Variants in USP19 observed in about 807,000 individuals in gnomAD.
USP19 encodes the protein ubiquitin carboxyl-terminal hydrolase 19.
Under a neutral mutation model 144.8 loss-of-function variants are expected in USP19, and 40 were observed. That is an observed-to-expected ratio of 0.28 (90% CI 0.21 to 0.36). USP19 has a LOEUF of 0.36. USP19 is among the 10% of genes least tolerant of loss of function. The pLI, the probability that USP19 is intolerant of heterozygous loss-of-function variation, is 1.00. For synonymous variants in USP19, 701 were observed against 709.3 expected, an observed-to-expected ratio of 0.99 and a Z score of 0.19; for missense variants, 1,518 against 1,822.5, an observed-to-expected ratio of 0.83 and a Z score of 3.04.
rs2042684249 is a variant in USP19, at chr3:49,108,684, T to G, written c.4039-156A>C. 1.5e-6 allele frequency: 2 copies of G among 1,306,622 alleles called. No homozygotes were observed. Among genetic ancestry groups the G allele is most frequent in the Non-Finnish European group, 1.9e-6 (2 of 1,028,972 alleles). The allele number at this position is 1,306,622 out of a possible 1,614,324, so 80.9% of individuals were successfully genotyped here. ...ACAGAGAGACGAGATTGGGCCTGAA[T>G]AGTCTGGTTTTATTAACACTTTTAA... On this transcript the variant is annotated intron_variant, in intron 26 of 26. Coordinates refer to ENST00000417901, the MANE Select transcript of USP19 (RefSeq NM_001199161.2). The surrounding 1 kb of genome is among the most constrained non-coding windows in gnomAD (Gnocchi z 4.8).
At chr3:49,118,696 A>AAT (rs1575501950) in intron 2 of USP19, among the ~76,000 whole-genome samples, 1 of 152,138 alleles carries the variant, frequency 6.6e-6, no homozygotes, top group East Asian at 1.9e-4. Flanking sequence ...GCAGTGAGCC[A>AAT]ATATTGCACC....
In USP19 at chr3:49,108,886, C is replaced by T; in HGVS notation, c.4039-358G>A. 6.6e-7 allele frequency: 1 copy of T among 1,525,088 alleles called. No individual in the cohort carries two copies. The highest frequency in any genetic ancestry group is 8.8e-7 in the Non-Finnish European group (1 of 1,136,800). 94.5% of individuals were successfully genotyped at this position (1,525,088 alleles called of 1,614,324 possible). ...CTGAGGCCCAAAGCCCAGAGGTGTTCCCCACAACAAAGGCAGGCATGGCCT... is the reference window on the plus strand; with the variant it reads ...CTGAGGCCCAAAGCCCAGAGGTGTTTCCCACAACAAAGGCAGGCATGGCCT... On this transcript the variant is annotated intron_variant, in intron 26 of 26. Coordinates refer to ENST00000417901, the MANE Select transcript of USP19 (RefSeq NM_001199161.2). This position sits in a 1 kb window ranked among gnomAD's most constrained non-coding sequence, Gnocchi z 4.8.
Position 49,115,627 on chromosome 3 carries a change from A to C in USP19, c.1705T>G (p.Cys569Gly). ...CTGTGGGGCATGGGAGGCACCATGC[A>C]TGTAGGCTTGGGCTGCAGGAGCAAA... Reference protein sequence around the residue: ...ETHLASPKPTCMVPPMPHSPV... With the variant: ...ETHLASPKPTGMVPPMPHSPV... Residue 569 changes from cysteine (C) to glycine (G), a missense_variant, in exon 12 of 27, where the codon TGC (cysteine) becomes GGC (glycine). Cys to Gly is a radical substitution (Grantham distance 159). Transcript: ENST00000417901. The surrounding 1 kb of genome is among the most constrained non-coding windows in gnomAD (Gnocchi z 6.6). 1 of 1,608,962 alleles carries C rather than the reference A, an allele frequency of 6.2e-7. No individual in the cohort carries two copies. Among genetic ancestry groups the C allele is most frequent in the Non-Finnish European group, 8.5e-7 (1 of 1,177,444 alleles).
At position 49,117,648 on chromosome 3, in the gene USP19, T is replaced by C. The variant is rs201465057; in HGVS notation, c.472+9A>G. On this transcript the variant is annotated intron_variant, in intron 4 of 26. Coordinates refer to ENST00000417901, the MANE Select transcript of USP19 (RefSeq NM_001199161.2). This position sits in a 1 kb window ranked among gnomAD's most constrained non-coding sequence, Gnocchi z 4.4. ...AACATACTACTGTGCTCAGGGCAGA[T>C]GGACACACCTGCAAACCGCACCACA... The C allele has an allele frequency of 5.3e-4, 859 of 1,614,172 alleles. 1 individual carries two copies. The African/African-American group carries it at 9.3e-3, about 17-fold the overall frequency.
intron 26 of USP19, 185 bp downstream of exon 26, chr3:49,109,999 G>A (rs952014259): frequency 3.2e-6 from 2 of 616,774 alleles, no homozygotes; most frequent in Non-Finnish European, 5.0e-6. Context: ...TTGTATGTTT[G>A]TTAGTGTCCC....
Position 49,110,698 on chromosome 3 carries a change from G to C in USP19, c.3698+13C>G. The C allele has an allele frequency of 6.2e-7, 1 of 1,613,440 alleles. No homozygotes were observed. The highest frequency in any genetic ancestry group is 8.5e-7 in the Non-Finnish European group (1 of 1,179,690). On this transcript the variant is annotated intron_variant, in intron 24 of 26. Coordinates refer to ENST00000417901, the MANE Select transcript of USP19 (RefSeq NM_001199161.2). This position sits in a 1 kb window ranked among gnomAD's most constrained non-coding sequence, Gnocchi z 6.1. The stretch of plus-strand genomic sequence containing the variant: ...TCACACCCCACCCACAGTTACCAAG[G>C]TCCACTGCTTACCTAACAGGGAACT...
In USP19 at chr3:49,117,735, G is replaced by A. The variant is rs200518963; in HGVS notation, c.394C>T (p.Arg132Cys). 19 of 1,614,176 alleles carry A rather than the reference G, an allele frequency of 1.2e-5. No homozygotes were observed. The highest frequency in any genetic ancestry group is 8.8e-5 in the South Asian group (8 of 91,084). Reference sequence around the variant, plus strand: ...AGCTGCAGGGGACCTACTCCCACACGAAGCTTGACAATCACCTCTTCTGCA... The same window carrying A: ...AGCTGCAGGGGACCTACTCCCACACAAAGCTTGACAATCACCTCTTCTGCA... ...QSAEEVIVKL[R>C]VGVGPLQLED... is the part of the protein sequence containing the mutation. Residue 132 changes from arginine to cysteine, a missense_variant, in exon 4 of 27, where the codon CGT (arginine) becomes TGT (cysteine). This residue lies in a region of USP19 where 707 missense variants were observed against 728.9 expected (regional missense o/e 0.97). Transcript: ENST00000417901. The surrounding 1 kb of genome is among the most constrained non-coding windows in gnomAD (Gnocchi z 4.4).
Position 49,119,173 on chromosome 3 carries a change from T to A in USP19, c.-28A>T. On this transcript the variant is annotated 5_prime_UTR_variant, in exon 2 of 27. Coordinates refer to ENST00000417901, the MANE Select transcript of USP19 (RefSeq NM_001199161.2). ...TGAGCCGCTTGGTCGACAGCCAGAG[T>A]GCCCCGGGGTCGGCAACAGCGTCTG... 1 of 1,602,308 alleles carries A rather than the reference T, an allele frequency of 6.2e-7. No individual in the cohort carries two copies.
Position 49,108,546 on chromosome 3 carries a change from G to C in USP19, c.4039-18C>G, listed in dbSNP as rs759557608. On this transcript the variant is annotated intron_variant, in intron 26 of 26. Transcript: ENST00000417901. The surrounding 1 kb of genome is among the most constrained non-coding windows in gnomAD (Gnocchi z 4.8). ...CCTAGTCCCTGCAACAGAATACGAG[G>C]ACAGGGGTTGGGGGCTGCCCAGCAT... The C allele has an allele frequency of 8.1e-7, 1 of 1,236,924 alleles. No homozygotes were observed. The highest frequency in any genetic ancestry group is 1.0e-6 in the Non-Finnish European group (1 of 965,584). The allele number at this position is 1,236,924 out of a possible 1,614,324, so 76.6% of individuals were successfully genotyped here. A position where few individuals can be genotyped will look rare whatever the true frequency, so the allele number is the denominator to read the frequency against.
rs2044036501 is a variant in USP19, at chr3:49,115,989, CA to C, written c.1472-46del. On this transcript the variant is annotated intron_variant, in intron 10 of 26. Coordinates refer to ENST00000417901, the MANE Select transcript of USP19 (RefSeq NM_001199161.2). The surrounding 1 kb of genome is among the most constrained non-coding windows in gnomAD (Gnocchi z 6.6). ...AGGGCTGGTGGTTAGCAGCATGTGA[CA>C]GGGGTTTGGGTCCTGGTCACGTGGA... 1 of 1,567,642 alleles carries C rather than the reference CA, an allele frequency of 6.4e-7. No homozygotes were observed. Among genetic ancestry groups the C allele is most frequent in the Non-Finnish European group, 8.6e-7 (1 of 1,159,608 alleles).
rs2043282033 is a variant in USP19, at chr3:49,112,231, G to A, written c.2765+53C>T. ...CCTTGGTGTGAAGGGAAGGAGCAGG[G>A]TGGCACATGGAAGGTGGAAAGAAAG... On this transcript the variant is annotated intron_variant, in intron 19 of 26. Transcript: ENST00000417901. The surrounding 1 kb of genome is among the most constrained non-coding windows in gnomAD (Gnocchi z 4.9). The A allele has an allele frequency of 1.9e-6, 3 of 1,567,020 alleles. No homozygotes were observed. The East Asian group carries it at 7.1e-5, about 37-fold the overall frequency.
intron 1 of USP19, among the ~76,000 whole-genome samples, 165 bp from the exon 2 acceptor site, chr3:49,119,446 C>T (rs1413717891): frequency 6.6e-6 from 1 of 152,212 alleles, no homozygotes; most frequent in Non-Finnish European, 1.5e-5. Flanking sequence ...ATAAATAATG[C>T]AAGTAGCAGC....
chr3:49,108,394 C>T lies in USP19; in HGVS notation c.*18G>A, dbSNP rs999242210. 2.7e-6 allele frequency: 3 copies of T among 1,121,596 alleles called. No homozygotes were observed. The highest frequency in any genetic ancestry group is 2.5e-6 in the Non-Finnish European group (2 of 814,422). 69.5% of individuals were successfully genotyped at this position (1,121,596 alleles called of 1,614,324 possible). ...GTGGGTGTCCCAAACCCAGTCCCCC[C>T]CATCAGCCAGGGACCTGCTAATCCA... On this transcript the variant is annotated 3_prime_UTR_variant, in exon 27 of 27. Coordinates refer to ENST00000417901, the MANE Select transcript of USP19 (RefSeq NM_001199161.2). This position sits in a 1 kb window ranked among gnomAD's most constrained non-coding sequence, Gnocchi z 4.8.
chr3:49,108,909 C>T lies in USP19; in HGVS notation c.4039-381G>A. The T allele has an allele frequency of 6.4e-7, 1 of 1,565,044 alleles. No homozygotes were observed. Among genetic ancestry groups the T allele is most frequent in the Admixed American group, 1.8e-5 (1 of 54,524 alleles). On this transcript the variant is annotated intron_variant, in intron 26 of 26. Transcript: ENST00000417901. This position sits in a 1 kb window ranked among gnomAD's most constrained non-coding sequence, Gnocchi z 4.8. Reference sequence around the variant, plus strand: ...TTCCCCACAACAAAGGCAGGCATGGCCTGGGGCAGGCAGGTAGGCCAGCTC... The same window carrying T: ...TTCCCCACAACAAAGGCAGGCATGGTCTGGGGCAGGCAGGTAGGCCAGCTC...
At position 49,114,213 on chromosome 3, in the gene USP19, G is replaced by T; in HGVS notation, c.2364C>A (p.Val788=). The change falls in exon 16 of 27, where the codon GTC becomes GTA. Residue 788 remains valine (V), a synonymous_variant. Coordinates refer to ENST00000417901, the MANE Select transcript of USP19 (RefSeq NM_001199161.2). This position sits in a 1 kb window ranked among gnomAD's most constrained non-coding sequence, Gnocchi z 4.5. ...TGTGGGGCTCTCGGGCAAAATAAAA[G>T]ACAGGGAGAACCTTTTGCTTTTGTG... The part of the protein sequence containing the change: ...PLPQKQKVLP[V]FYFAREPHSK... The T allele has an allele frequency of 1.9e-6, 3 of 1,614,226 alleles. No individual in the cohort carries two copies. The highest frequency in any genetic ancestry group is 2.5e-6 in the Non-Finnish European group (3 of 1,180,034).
Position 49,119,722 on chromosome 3 carries a change from A to G in USP19, c.-136-441T>C, listed in dbSNP as rs552132881. Among the ~76,000 whole-genome samples, 64 of 152,330 alleles carry G rather than the reference A, an allele frequency of 4.2e-4. 1 individual carries two copies. The highest frequency in any genetic ancestry group is 6.8e-3 in the Middle Eastern group (2 of 294). ...AGGACAGGAGACAAGCCGCAGGAGA[A>G]CCAGGCTCTGTGGCTGTAAACAGGC... On this transcript the variant is annotated intron_variant, in intron 1 of 26. Transcript: ENST00000417901.
Position 49,117,675 on chromosome 3 carries a change from A to G in USP19, c.454T>C (p.Cys152Arg). 1 of 1,614,190 alleles carries G rather than the reference A, an allele frequency of 6.2e-7. No homozygotes were observed. Among genetic ancestry groups the G allele is most frequent in the Non-Finnish European group, 8.5e-7 (1 of 1,180,034 alleles). ...DVDAAFTDTD[C>R]VVRFAGGQQW... is the part of the protein sequence containing the mutation. ...GACACACCTGCAAACCGCACCACAC[A>G]GTCTGTATCTGTGAAAGCAGCATCT... is the stretch of plus-strand genomic sequence containing the variant. Residue 152 changes from cysteine to arginine, a missense_variant, in exon 4 of 27, where the codon TGT (cysteine) becomes CGT (arginine). Coordinates refer to ENST00000417901, the MANE Select transcript of USP19 (RefSeq NM_001199161.2). This position sits in a 1 kb window ranked among gnomAD's most constrained non-coding sequence, Gnocchi z 4.4.
chr3:49,116,239 G>A lies in USP19; in HGVS notation c.1355+41C>T, dbSNP rs369340305. 92 of 1,613,494 alleles carry A rather than the reference G, an allele frequency of 5.7e-5. No homozygotes were observed. The highest frequency in any genetic ancestry group is 8.9e-5 in the East Asian group (4 of 44,868). On this transcript the variant is annotated intron_variant, in intron 9 of 26. Transcript: ENST00000417901. This position sits in a 1 kb window ranked among gnomAD's most constrained non-coding sequence, Gnocchi z 5.0. ...GATGAGCCAGGGAGATGGAGCCCAC[G>A]GGGTAGGACAGGCACAGTGGTGGGG...
rs1329552248 is a variant in USP19, at chr3:49,110,129, G to GC, written c.4038+54dup. The GC allele has an allele frequency of 2.8e-6, 4 of 1,452,518 alleles. No individual in the cohort carries two copies. In the East Asian group the frequency reaches 9.6e-5, roughly 35 times the overall value. 90.0% of individuals were successfully genotyped at this position (1,452,518 alleles called of 1,614,324 possible). A position where few individuals can be genotyped will look rare whatever the true frequency, so the allele number is the denominator to read the frequency against. ...AGAGGAAGCTATATCCCCCAACCCG[G>GC]CCCCAGTCTGTGAACTGTCCCCCAG... On this transcript the variant is annotated intron_variant, in intron 26 of 26. Transcript: ENST00000417901. This position sits in a 1 kb window ranked among gnomAD's most constrained non-coding sequence, Gnocchi z 6.1.
Sources: gnomAD v4.1 joint callset for allele counts (sites outside exome capture counted in the v4.1 genomes callset) on GRCh38, gnomAD v4.1.1 for gene constraint, gnomAD v4.1.1 regional missense constraint, Gnocchi (gnomAD v3.1) non-coding constraint, MANE v1.5 for transcripts, NCBI Gene and HGNC (gene_info 2026-07-23, HGNC 2026-07-21) for gene names.